DENND1B: variants seen among roughly 807,000 people sequenced by gnomAD.
DENND1B encodes DENN domain containing 1B, also known as DENN domain-containing protein 1B.
A neutral mutation model predicts 90.1 loss-of-function variants in DENND1B; 59 were observed. The observed-to-expected ratio is 0.65, with a 90% CI of 0.53 to 0.81. The LOEUF (loss-of-function observed/expected upper bound fraction) is 0.81, where lower values mean the gene tolerates loss of function less well. Ranked by LOEUF, DENND1B falls within the 40% of genes least tolerant of loss-of-function variation. The pLI is 0.00. For missense variants in DENND1B, 862 were observed against 912.6 expected (o/e 0.94, Z 0.71); for synonymous variants, 337 against 324.6 (o/e 1.04, Z -0.41).
At chr1:197,586,030 T>C (rs1674663695) in intron 14 of DENND1B, among the ~76,000 whole-genome samples, 1 of 152,228 alleles carries the variant, frequency 6.6e-6, no homozygotes, top group Admixed American at 6.5e-5. Context: ...TCAACTGATA[T>C]GCAGTGATGT....
intron 2 of DENND1B, among the ~76,000 whole-genome samples, chr1:197,732,564 T>C (rs1048335087): frequency 3.3e-5 from 5 of 152,170 alleles, no homozygotes; most frequent in African/African-American, 1.2e-4. Flanking sequence ...GGCAGACTGA[T>C]CCTTAGAATA....
chr1:197,544,902 A>G (rs1172650583), intron 18 of DENND1B, among the ~76,000 whole-genome samples: 13 of 143,236 alleles, frequency 9.1e-5, no homozygotes, highest in South Asian at 4.7e-4. Flanking sequence ...GAAGAAGAAG[A>G]AAGAAGAAGA....
upstream of DENND1B, among the ~76,000 whole-genome samples, chr1:197,776,774 G>C (rs754936676): frequency 3.9e-5 from 6 of 151,984 alleles, no homozygotes; most frequent in Non-Finnish European, 7.4e-5. Context: ...TATAGCCATG[G>C]GCCTGTTAGT....
chr1:197,744,647 G>A (rs1265041656), intron 2 of DENND1B, among the ~76,000 whole-genome samples: 1 of 152,080 alleles, frequency 6.6e-6, no homozygotes, highest in African/African-American at 2.4e-5. Flanking sequence ...AAGGGCCCTG[G>A]GATTTCTGAA....
intron 17 of DENND1B, 65 bp downstream of exon 17, chr1:197,546,668 C>T: frequency 1.5e-6 from 2 of 1,363,646 alleles, no homozygotes; most frequent in Non-Finnish European, 1.0e-6. Context: ...AAACAGCATA[C>T]TTTTGCTGAA....
At chr1:197,538,849 CA>C (rs1409860013) in intron 20 of DENND1B, among the ~76,000 whole-genome samples, 1 of 151,694 alleles carries the variant, frequency 6.6e-6, no homozygotes, top group East Asian at 1.9e-4. Flanking sequence ...ATGAGGGTTC[CA>C]CCCTCTTGGG....
chr1:197,677,077 A>G (rs1656160377), intron 3 of DENND1B, among the ~76,000 whole-genome samples: 3 of 152,100 alleles, frequency 2.0e-5, no homozygotes, highest in African/African-American at 7.2e-5. Flanking sequence ...AAGGTCTTTG[A>G]ATTTATCTGA....
chr1:197,517,422 C>A (rs1199364261), intron 20 of DENND1B, among the ~76,000 whole-genome samples: 2 of 151,828 alleles, frequency 1.3e-5, no homozygotes, highest in African/African-American at 4.8e-5. Flanking sequence ...CTTCTTCAAC[C>A]CCTTATATTT....
intron 15 of DENND1B, among the ~76,000 whole-genome samples, chr1:197,577,955 A>G (rs1673833543): frequency 6.6e-6 from 1 of 152,248 alleles, no homozygotes; most frequent in Non-Finnish European, 1.5e-5. Flanking sequence ...CTATTACTGG[A>G]TGACGTATAA....
At chr1:197,743,491 G>T (rs1289904074) in intron 2 of DENND1B, among the ~76,000 whole-genome samples, 1 of 152,094 alleles carries the variant, frequency 6.6e-6, no homozygotes, top group African/African-American at 2.4e-5. Context: ...TTTTGGTGGA[G>T]GGTCTGCCTC....
chr1:197,571,855 G>A (rs527960544), intron 15 of DENND1B, among the ~76,000 whole-genome samples: 19 of 152,286 alleles, frequency 1.2e-4, no homozygotes, highest in African/African-American at 4.6e-4. Context: ...AGACTTTAGA[G>A]AGGTGAAAAT....
At chr1:197,555,687 T>C (rs1671655115) in intron 15 of DENND1B, among the ~76,000 whole-genome samples, 1 of 152,048 alleles carries the variant, frequency 6.6e-6, no homozygotes, top group African/African-American at 2.4e-5. Context: ...ATGACTATTA[T>C]TAAAAAGTCA....
intron 15 of DENND1B, among the ~76,000 whole-genome samples, chr1:197,564,752 G>C (rs1370007421): frequency 6.6e-6 from 1 of 151,716 alleles, no homozygotes; most frequent in African/African-American, 2.4e-5. Context: ...TTTAATCCAG[G>C]CCTCTTTAAT....
chr1:197,526,972 C>T (rs1228165286), intron 20 of DENND1B, among the ~76,000 whole-genome samples: 1 of 152,022 alleles, frequency 6.6e-6, no homozygotes, highest in Non-Finnish European at 1.5e-5. Context: ...TAGAGGGCAC[C>T]CTTGTAATCC....
At chr1:197,542,212 A>T (rs1450419556) in intron 18 of DENND1B, among the ~76,000 whole-genome samples, 2 of 152,178 alleles carry the variant, frequency 1.3e-5, no homozygotes, top group Non-Finnish European at 2.9e-5. Flanking sequence ...TAAAATATGA[A>T]TTCCACTTTG....
intron 2 of DENND1B, among the ~76,000 whole-genome samples, chr1:197,728,633 C>T (rs908449630): frequency 5.9e-5 from 9 of 152,032 alleles, no homozygotes; most frequent in African/African-American, 2.2e-4. Flanking sequence ...TCATCCATTC[C>T]TCCTCTTCCA....
chr1:197,673,215 T>C (rs1655702559), intron 4 of DENND1B, among the ~76,000 whole-genome samples: 1 of 151,984 alleles, frequency 6.6e-6, no homozygotes, highest in South Asian at 2.1e-4. Context: ...ATTCATAATA[T>C]CCTTTTTGTA....
chr1:197,702,197 T>C (rs1373816174), intron 3 of DENND1B, among the ~76,000 whole-genome samples: 1 of 152,142 alleles, frequency 6.6e-6, no homozygotes, highest in Non-Finnish European at 1.5e-5. Context: ...TGAGCTAGAC[T>C]TTCAAAATAA....
At chr1:197,664,349 CTG>C (rs1327449894) in intron 5 of DENND1B, among the ~76,000 whole-genome samples, 2 of 152,056 alleles carry the variant, frequency 1.3e-5, no homozygotes, top group African/African-American at 4.8e-5. Flanking sequence ...CAAAGAATAA[CTG>C]TGACTCTCGC....
Sources: gnomAD v4.1 joint callset for allele counts (sites outside exome capture counted in the v4.1 genomes callset) on GRCh38, gnomAD v4.1.1 for gene constraint, MANE v1.5 for transcripts, NCBI Gene and HGNC (gene_info 2026-07-23, HGNC 2026-07-21) for gene names.